The following ARID5B variants were observed in gnomAD, a reference collection of about 807,000 sequenced individuals.
ARID5B encodes AT-rich interaction domain 5B.
ARID5B carries 13 observed loss-of-function variants against 97.2 expected under a neutral mutation model. That is an observed-to-expected ratio of 0.13 (90% confidence interval 0.09 to 0.21). The LOEUF (loss-of-function observed/expected upper bound fraction) is 0.21. ARID5B is among the 10% of genes least tolerant of loss of function. The probability of loss-of-function intolerance (pLI) is 1.00; values close to 1 mark genes in which losing one functional copy is unlikely to be tolerated. For synonymous variants in ARID5B, 556 were observed against 570.3 expected (o/e 0.97, Z 0.36); for missense variants, 1,210 against 1,465.3 (o/e 0.83, Z 2.84).
At chr10:62,054,336 T>A (rs57066949) in intron 5 of ARID5B, among the ~76,000 whole-genome samples, 8,786 of 152,192 alleles carry the variant, frequency 0.058, 453 homozygotes, top group African/African-American at 0.14. Context: ...GAAAGGAACT[T>A]GATTTAGTCC....
Position 61,917,284 on chromosome 10 carries a change from G to T in ARID5B, c.276+14871G>T, listed in dbSNP as rs531814167. 9.2e-5 allele frequency among the ~76,000 whole-genome samples: 14 copies of T among 152,202 alleles called. No individual in the cohort carries two copies. In the East Asian group the frequency reaches 2.7e-3, roughly 29 times the overall value. On this transcript the variant is annotated intron_variant, in intron 2 of 9. Transcript: ENST00000279873. The stretch of plus-strand genomic sequence containing the variant: ...TCTTTCCATTTTTCAAGAGAAGCCA[G>T]AAACCTAGATTTTCATGTGATTTTA...
intron 4 of ARID5B, among the ~76,000 whole-genome samples, chr10:62,002,132 GA>G (rs1839087636): frequency 6.6e-6 from 1 of 151,900 alleles, no homozygotes; most frequent in Non-Finnish European, 1.5e-5. Context: ...GTAATATGAG[GA>G]AAAAAATGTT....
chr10:62,037,133 C>T (rs1336507233), intron 4 of ARID5B, among the ~76,000 whole-genome samples: 1 of 152,172 alleles, frequency 6.6e-6, no homozygotes, highest in Non-Finnish European at 1.5e-5. Flanking sequence ...AATCATTAAG[C>T]CCCAGAATAT....
chr10:61,971,330 A>C (rs1838624118), intron 3 of ARID5B, among the ~76,000 whole-genome samples: 1 of 152,222 alleles, frequency 6.6e-6, no homozygotes, highest in Non-Finnish European at 1.5e-5. Context: ...AGAGAAAAGG[A>C]CTAGCTGATC....
Position 61,935,039 on chromosome 10 carries a change from C to T in ARID5B, c.277-5144C>T, listed in dbSNP as rs7071908. 4.3e-4 allele frequency among the ~76,000 whole-genome samples: 64 copies of T among 150,424 alleles called. No individual in the cohort carries two copies. The East Asian group carries it at 0.012, about 28-fold the overall frequency. On this transcript the variant is annotated intron_variant, in intron 2 of 9. Coordinates refer to ENST00000279873, the MANE Select transcript of ARID5B (RefSeq NM_032199.3). ...AAAAAAAAAAAAAAAGATTACAGAT[C>T]AACATACTGGATATAACAATAATGA...
chr10:61,943,262 C>G (rs1436246780), intron 3 of ARID5B, among the ~76,000 whole-genome samples: 1 of 152,190 alleles, frequency 6.6e-6, no homozygotes, highest in Non-Finnish European at 1.5e-5. Flanking sequence ...TCAGCCTCTT[C>G]TATAACATCA....
intron 3 of ARID5B, among the ~76,000 whole-genome samples, chr10:61,983,815 C>T (rs912545349): frequency 6.7e-6 from 1 of 149,996 alleles, no homozygotes; most frequent in Admixed American, 6.6e-5. Flanking sequence ...CATTTTTCTT[C>T]TGCATGAACC....
At chr10:61,965,770 A>G (rs1838536682) in intron 3 of ARID5B, among the ~76,000 whole-genome samples, 1 of 152,232 alleles carries the variant, frequency 6.6e-6, no homozygotes, top group Non-Finnish European at 1.5e-5. Flanking sequence ...AGGAGTAGTA[A>G]CATAAAGGCA....
At chr10:62,040,742 T>C (rs1015686792) in intron 4 of ARID5B, among the ~76,000 whole-genome samples, 1 of 152,194 alleles carries the variant, frequency 6.6e-6, no homozygotes, top group Non-Finnish European at 1.5e-5. Context: ...ATTAATGAGA[T>C]ATTTTACTTT....
intron 4 of ARID5B, among the ~76,000 whole-genome samples, chr10:62,044,428 TGGA>T (rs1564635173): frequency 6.7e-6 from 1 of 148,292 alleles, no homozygotes; most frequent in Non-Finnish European, 1.5e-5. Context: ...TCACCCAGGC[TGGA>T]GAGCAGTGGC....
At position 62,093,982 on chromosome 10, in the gene ARID5B, G is replaced by A; in HGVS notation, c.*952G>A. 4.3e-6 allele frequency: 1 copy of A among 233,670 alleles called. No homozygotes were observed. The highest frequency in any genetic ancestry group is 6.0e-5 in the East Asian group (1 of 16,568). The allele number at this position is 233,670 out of a possible 1,614,324, so 14.5% of individuals were successfully genotyped here. A position where few individuals can be genotyped will look rare whatever the true frequency, so the allele number is the denominator to read the frequency against. On this transcript the variant is annotated 3_prime_UTR_variant, in exon 10 of 10. Transcript: ENST00000279873. ...CACTGCTTACCCAGCCAAATGCTTT[G>A]CTTTGAAGTATTGGGTTCTGTGAAA...
intron 2 of ARID5B, among the ~76,000 whole-genome samples, chr10:61,937,430 G>A (rs533020342): frequency 7.9e-5 from 12 of 152,160 alleles, no homozygotes; most frequent in Non-Finnish European, 1.8e-4. Flanking sequence ...AGCTGTTTTT[G>A]GACAATGGTA....
chr10:62,019,714 A>G (rs111266582), intron 4 of ARID5B, among the ~76,000 whole-genome samples: 1,681 of 152,314 alleles, frequency 0.011, 42 homozygotes, highest in African/African-American at 0.039. Context: ...TTATAAGCCA[A>G]CCTGAGTTCA....
chr10:62,086,724 G>T (rs1338191351), intron 9 of ARID5B, among the ~76,000 whole-genome samples: 1 of 147,654 alleles, frequency 6.8e-6, no homozygotes, highest in Non-Finnish European at 1.5e-5. Flanking sequence ...ATCAGGCATG[G>T]TGGTGCCCCG....
intron 3 of ARID5B, among the ~76,000 whole-genome samples, chr10:61,944,703 C>T (rs955052139): frequency 6.7e-6 from 1 of 150,002 alleles, no homozygotes; most frequent in Non-Finnish European, 1.5e-5. Flanking sequence ...TTATTGAAGC[C>T]CTTTGAGGCA....
At chr10:61,918,597 GT>G (rs1843951244) in intron 2 of ARID5B, among the ~76,000 whole-genome samples, 1 of 152,190 alleles carries the variant, frequency 6.6e-6, no homozygotes, top group Non-Finnish European at 1.5e-5. Flanking sequence ...ATTAAATAGA[GT>G]TAAACTTCCT....
intron 2 of ARID5B, among the ~76,000 whole-genome samples, chr10:61,938,128 T>C (rs1006428405): frequency 1.3e-5 from 2 of 152,190 alleles, no homozygotes; most frequent in African/African-American, 4.8e-5. Flanking sequence ...ACAAAACCTA[T>C]AGACTGAATC....
rs1554842858 is a variant in ARID5B, at chr10:61,991,041, T to TATACACACACACACACAC, written c.503-9049_503-9048insTACACACACACACACACA. Among the ~76,000 whole-genome samples the TATACACACACACACACAC allele has an allele frequency of 3.7e-3, 544 of 145,132 alleles. 1 individual carries two copies. The highest frequency in any genetic ancestry group is 0.017 in the East Asian group (84 of 4,904). On this transcript the variant is annotated intron_variant, in intron 3 of 9. Coordinates refer to ENST00000279873, the MANE Select transcript of ARID5B (RefSeq NM_032199.3). ...AAGTGGAATCACAATATTTATCCTG[T>TATACACACACACACACAC]ACACACACACACACACACACACACA...
chr10:61,998,128 T>C (rs953164079), intron 3 of ARID5B, among the ~76,000 whole-genome samples: 1 of 152,174 alleles, frequency 6.6e-6, no homozygotes, highest in African/African-American at 2.4e-5. Context: ...TCTCCATCCG[T>C]GGAAAAGCCG....
Sources: gnomAD v4.1 joint callset for allele counts (sites outside exome capture counted in the v4.1 genomes callset) on GRCh38, gnomAD v4.1.1 for gene constraint, MANE v1.5 for transcripts, NCBI Gene and HGNC (gene_info 2026-07-23, HGNC 2026-07-21) for gene names.